GRIP2: variants seen among roughly 807,000 people sequenced by gnomAD.
The protein encoded by GRIP2 is glutamate receptor interacting protein 2.
In GRIP2, 58 loss-of-function variants were observed where a neutral mutation model predicts 108.3. The ratio of observed to expected loss-of-function variants is 0.54; its 90% CI spans 0.43 to 0.67. The LOEUF is 0.67. GRIP2 is among the 30% of genes least tolerant of loss of function. The pLI is 0.00. For synonymous variants in GRIP2, 586 were observed against 598.2 expected (o/e 0.98, Z 0.30); for missense variants, 1,278 against 1,430.6 (o/e 0.89, Z 1.72).
chr3:14,495,047 AC>A, intron 22 of GRIP2, 58 bp from the exon 23 acceptor site: 1 of 1,590,218 alleles, frequency 6.3e-7, no homozygotes, highest in Non-Finnish European at 8.6e-7. Flanking sequence ...CCAGCCTCTC[AC>A]AGTAGCCCAG....
the GRIP2 span, among the ~76,000 whole-genome samples, chr3:14,576,844 C>T: frequency 3.3e-5 from 5 of 152,232 alleles, no homozygotes; most frequent in Non-Finnish European, 7.3e-5. Flanking sequence ...AAGCCCTGTC[C>T]TGCACAAACC....
chr3:14,526,035 A>G, intron 1 of GRIP2, 104 bp from the exon 2 acceptor site: 1 of 963,066 alleles, frequency 1.0e-6, no homozygotes, highest in African/African-American at 1.6e-5. Flanking sequence ...GGCCTGTAAG[A>G]TGGGTTCCCT....
chr3:14,528,294 T>G (rs938155503), intron 1 of GRIP2, among the ~76,000 whole-genome samples: 5 of 152,248 alleles, frequency 3.3e-5, no homozygotes, highest in African/African-American at 1.2e-4. Context: ...ACCAGTTTGT[T>G]TAGCTATTGA....
At chr3:14,506,689 A>C in intron 19 of GRIP2, 112 bp downstream of exon 19, 4 of 1,041,634 alleles carry the variant, frequency 3.8e-6, no homozygotes, top group Non-Finnish European at 2.7e-6. Context: ...AAAGGATGCC[A>C]GGAGAGGAGC....
At chr3:14,526,828 C>T (rs936495927) in intron 1 of GRIP2, among the ~76,000 whole-genome samples, 1 of 152,080 alleles carries the variant, frequency 6.6e-6, no homozygotes, top group African/African-American at 2.4e-5. Context: ...GAAGGTAGAA[C>T]AGTATGATGC....
chr3:14,508,655 A>G (rs906408724), intron 17 of GRIP2, among the ~76,000 whole-genome samples: 5 of 152,092 alleles, frequency 3.3e-5, no homozygotes, highest in African/African-American at 4.8e-5. Flanking sequence ...TATGGCAGCC[A>G]CCAGCCACAG....
At position 14,490,059 on chromosome 3, in the gene GRIP2, T is replaced by C. The variant is rs1701297983; in HGVS notation, c.*3606A>G. On this transcript the variant is annotated 3_prime_UTR_variant, in exon 24 of 24. Coordinates refer to ENST00000621039, the MANE Select transcript of GRIP2 (RefSeq NM_001080423.4). The stretch of plus-strand genomic sequence containing the variant: ...TCAGTAACTCATTTATAGACAATGT[T>C]AGAATAGAAGACCACCCTACCCCCA... The C allele has an allele frequency of 1.3e-5, 2 of 152,176 alleles. No homozygotes were observed. Among genetic ancestry groups the C allele is most frequent in the African/African-American group, 4.8e-5 (2 of 41,412 alleles). 9.4% of individuals were successfully genotyped at this position (152,176 alleles called of 1,614,324 possible).
At chr3:14,523,318 A>G (rs1475572514) in intron 5 of GRIP2, 4 of 571,174 alleles carry the variant, frequency 7.0e-6, no homozygotes, top group Non-Finnish European at 1.2e-5. Context: ...CTGTGACCTC[A>G]CCTTATTTCC....
rs1440048098 is a variant in GRIP2, at chr3:14,511,962, TG to T, written c.1721-484del. Among the ~76,000 whole-genome samples, 2 of 152,140 alleles carry T rather than the reference TG, an allele frequency of 1.3e-5. No individual in the cohort carries two copies. The highest frequency in any genetic ancestry group is 4.8e-5 in the African/African-American group (2 of 41,416). ...CCTCCTGGAGCTGGCACTCCAGTGG[TG>T]GTCACAATCAACAACATTTAAACAC... is the stretch of plus-strand genomic sequence containing the variant. On this transcript the variant is annotated intron_variant, in intron 14 of 23. Coordinates refer to ENST00000621039, the MANE Select transcript of GRIP2 (RefSeq NM_001080423.4). This position sits in a 1 kb window ranked among gnomAD's most constrained non-coding sequence, Gnocchi z 4.1.
chr3:14,574,795 C>G, the GRIP2 span: 2 of 359,714 alleles, frequency 5.6e-6, no homozygotes, highest in Non-Finnish European at 1.1e-5. Context: ...TCTCGCTTCC[C>G]ACAATGGAAG....
chr3:14,535,874 G>A (rs936049120), intron 1 of GRIP2, among the ~76,000 whole-genome samples: 1 of 152,188 alleles, frequency 6.6e-6, no homozygotes, highest in Non-Finnish European at 1.5e-5. Context: ...TCCAGGCAGA[G>A]CCCCAGCTCC....
rs896375805 is a variant in GRIP2, at chr3:14,496,562, T to C, written c.2680-2A>G. ...CACGGTGCCCGTCATGATGGATGCC[T>C]GCAAGGAACACGGCCTTTCTTTCAG... On this transcript the variant is annotated splice_acceptor_variant, in intron 21 of 23. Coordinates refer to ENST00000621039, the MANE Select transcript of GRIP2 (RefSeq NM_001080423.4). LOFTEE classifies it high-confidence loss of function. 4 of 1,563,458 alleles carry C rather than the reference T, an allele frequency of 2.6e-6. No individual in the cohort carries two copies. The African/African-American group carries it at 6.4e-5, about 25-fold the overall frequency.
At chr3:14,573,138 G>T in the GRIP2 span, 1 of 1,432,478 alleles carries the variant, frequency 7.0e-7, no homozygotes, top group South Asian at 1.1e-5. Context: ...CAGCCCAAAG[G>T]TGCAGAGGAA....
At chr3:14,524,328 G>C (rs1039706780) in intron 4 of GRIP2, 65 bp downstream of exon 4, 34 of 1,538,142 alleles carry the variant, frequency 2.2e-5, no homozygotes, top group Non-Finnish European at 3.0e-5. Flanking sequence ...GGCCCTGGTG[G>C]GGAGGTAGCC....
rs994838425 is a variant in GRIP2 at position 14,496,356 on chromosome 3, G to A, written c.2823+61C>T. On this transcript the variant is annotated intron_variant, in intron 22 of 23. Transcript: ENST00000621039. ...GGGCAGGGCCCCTCTGGAGTCCCAC[G>A]ACAGTGCTCATGGCACCAGAACACA... is the stretch of plus-strand genomic sequence containing the variant. The A allele has an allele frequency of 1.0e-5, 15 of 1,451,376 alleles. 1 individual carries two copies. Among genetic ancestry groups the A allele is most frequent in the East Asian group, 4.8e-5 (2 of 41,874 alleles). The allele number at this position is 1,451,376 out of a possible 1,614,324, so 89.9% of individuals were successfully genotyped here. A position where few individuals can be genotyped will look rare whatever the true frequency, so the allele number is the denominator to read the frequency against.
At chr3:14,498,513 G>A (rs961578070) in intron 21 of GRIP2, among the ~76,000 whole-genome samples, 4 of 152,124 alleles carry the variant, frequency 2.6e-5, no homozygotes, top group Admixed American at 2.6e-4. Context: ...GAGTGGGGGG[G>A]AAGATAGGAA....
chr3:14,512,934 T>C lies in GRIP2; in HGVS notation c.1640-77A>G. 1 of 1,325,320 alleles carries C rather than the reference T, an allele frequency of 7.5e-7. No homozygotes were observed. The highest frequency in any genetic ancestry group is 1.2e-5 in the South Asian group (1 of 84,434). 82.1% of individuals were successfully genotyped at this position (1,325,320 alleles called of 1,614,324 possible). On this transcript the variant is annotated intron_variant, in intron 13 of 23. Coordinates refer to ENST00000621039, the MANE Select transcript of GRIP2 (RefSeq NM_001080423.4). This position sits in a 1 kb window ranked among gnomAD's most constrained non-coding sequence, Gnocchi z 5.1. ...GCGAACCCCAGCCCCATGCCCATTC[T>C]GGCTGTGCTGGGAGTGACCCCGAAA...
At position 14,520,260 on chromosome 3, in the gene GRIP2, C is replaced by T. The variant is rs1402494640; in HGVS notation, c.880G>A (p.Gly294Arg). ...CCATCGATGGACAGGATGTGGTCTC[C>T]AGGGTGCAGGGCTCCGCTCCTGGCC... is the stretch of plus-strand genomic sequence containing the variant. ...VVDRSGALHPGDHILSIDGTS... is the reference protein window; with the variant it reads ...VVDRSGALHPRDHILSIDGTS... Residue 294 changes from glycine (G) to arginine (R), a missense_variant, in exon 9 of 24, where the codon GGA becomes AGA. Transcript: ENST00000621039. 6.2e-7 allele frequency: 1 copy of T among 1,613,870 alleles called. No homozygotes were observed. Among genetic ancestry groups the T allele is most frequent in the Middle Eastern group, 1.7e-4 (1 of 6,038 alleles).
At chr3:14,531,366 C>T (rs1351817399) in intron 1 of GRIP2, among the ~76,000 whole-genome samples, 1 of 152,212 alleles carries the variant, frequency 6.6e-6, no homozygotes, top group Non-Finnish European at 1.5e-5. Flanking sequence ...TGTGACTGCA[C>T]CTGAGCATTT....
Sources: gnomAD v4.1 joint callset for allele counts (sites outside exome capture counted in the v4.1 genomes callset) on GRCh38, gnomAD v4.1.1 for gene constraint, Gnocchi (gnomAD v3.1) non-coding constraint, MANE v1.5 for transcripts, NCBI Gene and HGNC (gene_info 2026-07-23, HGNC 2026-07-21) for gene names.